The following AK3 variants were observed in gnomAD, a reference collection of about 807,000 sequenced individuals.
AK3 encodes the protein GTP:AMP phosphotransferase AK3, mitochondrial.
Under a neutral mutation model 23.7 loss-of-function variants are expected in AK3, and 27 were observed. The ratio of observed to expected loss-of-function variants is 1.14; its 90% CI spans 0.84 to 1.57. The LOEUF (loss-of-function observed/expected upper bound fraction) is 1.57, where lower values mean the gene tolerates loss of function less well. Among genes scored for constraint, AK3 ranks in the 40% most tolerant of loss-of-function variants. The pLI is 0.00. For synonymous variants in AK3, 159 were observed against 116.0 expected, an observed-to-expected ratio of 1.37 and a Z score of -2.38; for missense variants, 406 against 285.6, an observed-to-expected ratio of 1.42 and a Z score of -3.04.
At chr9:4,734,496 G>A (rs1052804600) in intron 1 of AK3, among the ~76,000 whole-genome samples, 5 of 152,156 alleles carry the variant, frequency 3.3e-5, no homozygotes, top group African/African-American at 9.7e-5. Flanking sequence ...ATAGTTGCCT[G>A]AATGAATGGT....
At chr9:4,734,688 T>G (rs1335634681) in intron 1 of AK3, among the ~76,000 whole-genome samples, 5 of 152,268 alleles carry the variant, frequency 3.3e-5, no homozygotes, top group African/African-American at 1.2e-4. Context: ...AAATTGTTCT[T>G]TAAGTTATTT....
At chr9:4,741,232 C>T, upstream of AK3, 2 of 948,932 alleles carry the variant, frequency 2.1e-6, no homozygotes, top group Middle Eastern at 3.6e-4. Context: ...GGAAGTGAGC[C>T]GACAGCCCCT....
Position 4,712,776 on chromosome 9 carries a change from ACTAGATGATTTCAAACGATGCAT to A in AK3, c.*177_*199del. 1.8e-6 allele frequency: 1 copy of A among 540,924 alleles called. No individual in the cohort carries two copies. Among genetic ancestry groups the A allele is most frequent in the Non-Finnish European group, 3.1e-6 (1 of 327,428 alleles). The allele number at this position is 540,924 out of a possible 1,614,324, so 33.5% of individuals were successfully genotyped here. Reference sequence around the variant, plus strand: ...TTTTGAGGATAACTGCATACAACACACTAGATGATTTCAAACGATGCATCTTAGTATCCGAATCATTTGGCACA... The same window carrying A: ...TTTTGAGGATAACTGCATACAACACACTTAGTATCCGAATCATTTGGCACA... On this transcript the variant is annotated 3_prime_UTR_variant, in exon 5 of 5. Transcript: ENST00000381809.
At chr9:4,715,617 T>C (rs1841706174) in intron 4 of AK3, among the ~76,000 whole-genome samples, 1 of 152,244 alleles carries the variant, frequency 6.6e-6, no homozygotes, top group Admixed American at 6.5e-5. Context: ...CAGGCTGATC[T>C]TGAATTCCTG....
rs754367908 is a variant in AK3 at position 4,740,992 on chromosome 9, C to T, written c.96G>A (p.Glu32=). The T allele has an allele frequency of 6.8e-5, 108 of 1,594,070 alleles. No homozygotes were observed. The highest frequency in any genetic ancestry group is 8.9e-5 in the Non-Finnish European group (104 of 1,172,232). The change falls in exon 1 of 5, where the codon GAG becomes GAA. Residue 32 remains glutamate, a synonymous_variant. Transcript: ENST00000381809. ...GGTCCCCGCTGGAGAGGTGCTTCAG[C>T]TCGAAGTGTGTAGTGATGCGCGACG... ...TVSSRITTHF[E]LKHLSSGDLL... is the part of the protein sequence containing the mutation.
At chr9:4,716,800 A>G (rs1418538578) in intron 4 of AK3, among the ~76,000 whole-genome samples, 1 of 152,128 alleles carries the variant, frequency 6.6e-6, no homozygotes, top group Non-Finnish European at 1.5e-5. Context: ...GTCTGGTGGC[A>G]CGGGCCTATA....
chr9:4,719,548 C>T (rs1841837220), intron 2 of AK3, among the ~76,000 whole-genome samples: 3 of 152,120 alleles, frequency 2.0e-5, no homozygotes, highest in Admixed American at 2.0e-4. Context: ...GTATATCTGT[C>T]AGGCTGCTTT....
chr9:4,735,614 G>A (rs1275352981), intron 1 of AK3, among the ~76,000 whole-genome samples: 4 of 147,560 alleles, frequency 2.7e-5, no homozygotes, highest in South Asian at 2.1e-4. Flanking sequence ...ACAGGTGCCC[G>A]CCACCATACC....
At chr9:4,721,593 G>T (rs569750648) in intron 2 of AK3, among the ~76,000 whole-genome samples, 1 of 152,004 alleles carries the variant, frequency 6.6e-6, no homozygotes, top group Non-Finnish European at 1.5e-5. Context: ...CGAGTAGCTA[G>T]GGTTACAGGT....
chr9:4,718,486 G>T lies in AK3; in HGVS notation c.496C>A (p.Pro166Thr), dbSNP rs975689071. 8 of 1,613,714 alleles carry T rather than the reference G, an allele frequency of 5.0e-6. No homozygotes were observed. The African/African-American group carries it at 1.1e-4, about 22-fold the overall frequency. The change falls in exon 4 of 5, where the codon CCA becomes ACA. Residue 166 changes from proline (P) to threonine (T), a missense_variant. Pro to Thr is a conservative substitution (Grantham distance 38). Coordinates refer to ENST00000381809, the MANE Select transcript of AK3 (RefSeq NM_016282.4). ...EPLIQREDDK[P>T]ETVIKRLKAY... The stretch of plus-strand genomic sequence containing the variant: ...TTTAGTCTCTTGATAACCGTCTCTG[G>T]TTTATCATCCTCACGCTGAATGAGA...
chr9:4,717,730 C>A (rs1229198779), intron 4 of AK3, among the ~76,000 whole-genome samples: 1 of 152,194 alleles, frequency 6.6e-6, no homozygotes, highest in Non-Finnish European at 1.5e-5. Flanking sequence ...CACTTTATTA[C>A]AAAACAGGCT....
intron 4 of AK3, 83 bp downstream of exon 4, chr9:4,718,336 C>T: frequency 2.0e-6 from 2 of 1,000,096 alleles, no homozygotes; most frequent in Non-Finnish European, 3.2e-6. Context: ...GGCATTTTAG[C>T]ATTTCAGCTG....
intron 4 of AK3, among the ~76,000 whole-genome samples, chr9:4,713,941 CATATACACGCCTACACAT>C (rs1563780869): frequency 0.013 from 18 of 1,370 alleles, no homozygotes; most frequent in Non-Finnish European, 0.015. Context: ...CACACCTCCA[CATATACACGCCTACACAT>C]ATACACACCT....
chr9:4,724,178 T>G (rs906430470), intron 1 of AK3, among the ~76,000 whole-genome samples: 1 of 151,974 alleles, frequency 6.6e-6, no homozygotes, highest in African/African-American at 2.4e-5. Flanking sequence ...AGCCTTATAC[T>G]TAATGTGTGA....
intron 1 of AK3, among the ~76,000 whole-genome samples, chr9:4,739,543 G>C (rs1424841115): frequency 6.6e-6 from 1 of 151,290 alleles, no homozygotes; most frequent in Non-Finnish European, 1.5e-5. Flanking sequence ...AAATGGATTT[G>C]TCCGTTTTCA....
intron 1 of AK3, among the ~76,000 whole-genome samples, chr9:4,735,713 C>T (rs991648742): frequency 1.3e-5 from 2 of 150,334 alleles, no homozygotes; most frequent in Admixed American, 6.6e-5. Context: ...AAATGATCCA[C>T]CTTCCTCGGC....
intron 1 of AK3, among the ~76,000 whole-genome samples, chr9:4,731,689 C>T (rs1842158039): frequency 6.6e-6 from 1 of 152,090 alleles, no homozygotes; most frequent in Non-Finnish European, 1.5e-5. Flanking sequence ...CCAGCATGTT[C>T]TCTGGAGATA....
chr9:4,735,379 A>C (rs866613176), intron 1 of AK3, among the ~76,000 whole-genome samples: 1 of 109,580 alleles, frequency 9.1e-6, no homozygotes, highest in Admixed American at 1.1e-4. Flanking sequence ...ATAAATATAT[A>C]TACATATATA....
chr9:4,738,356 G>C (rs910041099), intron 1 of AK3, among the ~76,000 whole-genome samples: 1 of 152,066 alleles, frequency 6.6e-6, no homozygotes, highest in South Asian at 2.1e-4. Context: ...AGTAGAGACA[G>C]GGTTTTGCCA....
Sources: allele counts gnomAD v4.1 joint callset (sites outside exome capture counted in the v4.1 genomes callset), GRCh38; gene constraint gnomAD v4.1.1; transcripts MANE v1.5; gene names NCBI Gene and HGNC (gene_info 2026-07-23, HGNC 2026-07-21).